AVL9: variants seen among roughly 807,000 people sequenced by gnomAD.
The protein encoded by AVL9 is AVL9 cell migration associated.
In AVL9, 49 loss-of-function variants were observed where a neutral mutation model predicts 79.2. The ratio of observed to expected loss-of-function variants is 0.62; its 90% CI spans 0.49 to 0.79. The LOEUF is 0.79. Among genes scored for constraint, AVL9 ranks in the 30% least tolerant of loss-of-function variants. The pLI, the probability that AVL9 is intolerant of heterozygous loss-of-function variation, is 0.00. For synonymous variants in AVL9, 299 were observed against 280.6 expected (o/e 1.07, Z -0.65); for missense variants, 682 against 776.8 (o/e 0.88, Z 1.45).
chr7:32,559,277 A>G lies in AVL9; in HGVS notation c.1028A>G (p.Asn343Ser). 2 of 1,614,186 alleles carry G rather than the reference A, an allele frequency of 1.2e-6. No individual in the cohort carries two copies. Among genetic ancestry groups the G allele is most frequent in the Non-Finnish European group, 1.7e-6 (2 of 1,180,016 alleles). ...TLDPSVLEDP[N>S]LKEREQLGSD... is the part of the protein sequence containing the mutation. ...GATCCTAGTGTCTTAGAGGACCCCAACTTGAAAGAAAGGGAACAGCTGGGA... is the reference window on the plus strand; with the variant it reads ...GATCCTAGTGTCTTAGAGGACCCCAGCTTGAAAGAAAGGGAACAGCTGGGA... The change falls in exon 10 of 16, where the codon AAC becomes AGC. Residue 343 changes from asparagine (N) to serine (S), a missense_variant. By Grantham distance (46) the Asn-to-Ser change is conservative. Transcript: ENST00000318709.
Position 32,559,065 on chromosome 7 carries a change from C to G in AVL9, c.816C>G (p.Thr272=). 6.2e-7 allele frequency: 1 copy of G among 1,614,082 alleles called. No individual in the cohort carries two copies. Among genetic ancestry groups the G allele is most frequent in the South Asian group, 1.1e-5 (1 of 91,072 alleles). The part of the protein sequence containing the change: ...VSASTADVSH[T]NLGTIRKVMA... ...CATCCACTGCTGATGTTTCACATAC[C>G]AACTTGGGAACTATCAGGAAAGTCA... The change falls in exon 10 of 16, where the codon ACC becomes ACG. Residue 272 remains threonine, a synonymous_variant. Coordinates refer to ENST00000318709, the MANE Select transcript of AVL9 (RefSeq NM_015060.3).
chr7:32,497,653 C>CTTTTTTTTTT (rs59504023), intron 1 of AVL9, among the ~76,000 whole-genome samples: 1 of 117,104 alleles, frequency 8.5e-6, no homozygotes, highest in Non-Finnish European at 1.8e-5. Flanking sequence ...ACCATTAGTT[C>CTTTTTTTTTT]TTTTTTTTTT....
chr7:32,553,702 T>C, intron 6 of AVL9, 25 bp from the exon 7 acceptor site: 2 of 1,600,760 alleles, frequency 1.2e-6, no homozygotes, highest in Non-Finnish European at 1.7e-6. Flanking sequence ...GTAGTCACAC[T>C]TGAGCTTTTT....
intron 1 of AVL9, among the ~76,000 whole-genome samples, chr7:32,523,492 T>G (rs898202997): frequency 1.4e-5 from 2 of 145,792 alleles, no homozygotes; most frequent in Non-Finnish European, 3.0e-5. Context: ...TACATGTTAA[T>G]AGAATTATAA....
rs1186687056 is a variant in AVL9 at position 32,587,184 on chromosome 7, G to GGAA, written c.*3280_*3282dup. 1 of 152,166 alleles carries GGAA rather than the reference G, an allele frequency of 6.6e-6. No individual in the cohort carries two copies. The highest frequency in any genetic ancestry group is 2.4e-5 in the African/African-American group (1 of 41,430). 9.4% of individuals were successfully genotyped at this position (152,166 alleles called of 1,614,324 possible). A position where few individuals can be genotyped will look rare whatever the true frequency, so the allele number is the denominator to read the frequency against. ...GGAAAGCCAACGAGAAAACAAATTA[G>GGAA]GAAGAGAGAGAAGTGAGAAATTGTT... On this transcript the variant is annotated 3_prime_UTR_variant, in exon 16 of 16. Transcript: ENST00000318709.
At chr7:32,548,131 G>GT (rs1298584140) in intron 3 of AVL9, among the ~76,000 whole-genome samples, 19 of 93,304 alleles carry the variant, frequency 2.0e-4, no homozygotes, top group Admixed American at 6.0e-4. Context: ...CAAGCTGTCT[G>GT]TTTTTGTCAT....
rs899617895 is a variant in AVL9 at position 32,552,216 on chromosome 7, C to A, written c.463-13C>A. On this transcript the variant is annotated splice_polypyrimidine_tract_variant and intron_variant, in intron 5 of 15. Coordinates refer to ENST00000318709, the MANE Select transcript of AVL9 (RefSeq NM_015060.3). Reference sequence around the variant, plus strand: ...GATAGTAAAATGTGCTAAATTCAATCTATATTTTATAGGAGCTTTATGAAC... The same window carrying A: ...GATAGTAAAATGTGCTAAATTCAATATATATTTTATAGGAGCTTTATGAAC... 14 of 1,515,242 alleles carry A rather than the reference C, an allele frequency of 9.2e-6. No homozygotes were observed. Among genetic ancestry groups the A allele is most frequent in the Non-Finnish European group, 1.3e-5 (14 of 1,094,866 alleles). 93.9% of individuals were successfully genotyped at this position (1,515,242 alleles called of 1,614,324 possible).
rs1554350216 is a variant in AVL9 at position 32,586,469 on chromosome 7, C to CCG, written c.*2563_*2564insGC. On this transcript the variant is annotated 3_prime_UTR_variant, in exon 16 of 16. Coordinates refer to ENST00000318709, the MANE Select transcript of AVL9 (RefSeq NM_015060.3). ...TCACCCCTGGTCCTGTGACCCCCCC[C>CCG]CCCCACACACACACATACTTCAGGC... is the stretch of plus-strand genomic sequence containing the variant. 3 of 135,216 alleles carry CCG rather than the reference C, an allele frequency of 2.2e-5. No homozygotes were observed. The highest frequency in any genetic ancestry group is 8.6e-5 in the African/African-American group (3 of 34,750). 8.4% of individuals were successfully genotyped at this position (135,216 alleles called of 1,614,324 possible). A position where few individuals can be genotyped will look rare whatever the true frequency, so the allele number is the denominator to read the frequency against.
chr7:32,568,436 A>G (rs1357784089), intron 10 of AVL9, among the ~76,000 whole-genome samples: 4 of 151,886 alleles, frequency 2.6e-5, no homozygotes, highest in African/African-American at 9.7e-5. Context: ...CCTGACCTCA[A>G]GTGATCCGCC....
chr7:32,556,585 A>T (rs115172047), intron 8 of AVL9, among the ~76,000 whole-genome samples: 11,966 of 151,804 alleles, frequency 0.079, 923 homozygotes, highest in African/African-American at 0.19. Context: ...TTTTTTTTTT[A>T]AAAATGAACC....
intron 1 of AVL9, chr7:32,535,319 T>C (rs1015724770): frequency 3.9e-5 from 6 of 152,222 alleles, no homozygotes; most frequent in African/African-American, 1.4e-4. Flanking sequence ...TAGAGGTCCC[T>C]CCTGCTAAAG....
At position 32,559,334 on chromosome 7, in the gene AVL9, C is replaced by G. The variant is rs1444010534; in HGVS notation, c.1085C>G (p.Ser362Cys). Residue 362 changes from serine to cysteine, a missense_variant, in exon 10 of 16, where the codon TCT becomes TGT. Coordinates refer to ENST00000318709, the MANE Select transcript of AVL9 (RefSeq NM_015060.3). Reference protein sequence around the residue: ...SDQTNLFPKDSVPSESLPITV... With the variant: ...SDQTNLFPKDCVPSESLPITV... ...CAGACAAATTTGTTTCCAAAGGACT[C>G]TGTCCCCTCAGAGAGTCTTCCAATT... is the stretch of plus-strand genomic sequence containing the variant. 6.2e-6 allele frequency: 10 copies of G among 1,614,066 alleles called. No individual in the cohort carries two copies. Among genetic ancestry groups the G allele is most frequent in the African/African-American group, 1.3e-5 (1 of 74,938 alleles).
intron 6 of AVL9, among the ~76,000 whole-genome samples, chr7:32,552,570 TAGCATTTTCTCACCCAGGCTGGAG>T (rs1017111915): frequency 6.6e-6 from 1 of 152,046 alleles, no homozygotes; most frequent in East Asian, 1.9e-4. Flanking sequence ...TGAAAATGGA[TAGCATTTTCTCACCCAGGCTGGAG>T]TGCAGTGGTG....
intron 1 of AVL9, among the ~76,000 whole-genome samples, 171 bp from the exon 2 acceptor site, chr7:32,542,970 C>CT (rs913376162): frequency 6.6e-6 from 1 of 152,148 alleles, no homozygotes; most frequent in Non-Finnish European, 1.5e-5. Flanking sequence ...CCTTTTACTG[C>CT]TTTTTTTCCC....
In AVL9 at chr7:32,522,666, A is replaced by G. The variant is rs572005691; in HGVS notation, c.94-20475A>G. Among the ~76,000 whole-genome samples, 57 of 152,130 alleles carry G rather than the reference A, an allele frequency of 3.7e-4. No individual in the cohort carries two copies. The South Asian group carries it at 1.0e-2, about 27-fold the overall frequency. On this transcript the variant is annotated intron_variant, in intron 1 of 15. Coordinates refer to ENST00000318709, the MANE Select transcript of AVL9 (RefSeq NM_015060.3). ...CTGAAATGAGTTAAGACTTTGGGAG[A>G]CTGTTGGGAAGGCACGATTGGTTTT...
chr7:32,497,083 G>A (rs1786858163), intron 1 of AVL9, among the ~76,000 whole-genome samples: 1 of 150,806 alleles, frequency 6.6e-6, no homozygotes, highest in Non-Finnish European at 1.5e-5. Context: ...CTGGGTGAGA[G>A]AGCAAGACCC....
intron 1 of AVL9, among the ~76,000 whole-genome samples, chr7:32,500,372 C>T (rs1787067617): frequency 1.3e-5 from 2 of 152,026 alleles, no homozygotes; most frequent in Admixed American, 1.3e-4. Context: ...TGTTTATTGG[C>T]TGCACAGATA....
chr7:32,557,044 G>T (rs1407770892), intron 8 of AVL9, among the ~76,000 whole-genome samples: 1 of 151,838 alleles, frequency 6.6e-6, no homozygotes, highest in Admixed American at 6.6e-5. Context: ...AATACTTCAG[G>T]ATATATTTCT....
At chr7:32,535,110 A>G (rs962858004) in intron 1 of AVL9, 2 of 152,224 alleles carry the variant, frequency 1.3e-5, no homozygotes, top group Non-Finnish European at 2.9e-5. Context: ...GTTTCCCAAA[A>G]TAATCAGTTT....
Sources: gnomAD v4.1 joint callset for allele counts (sites outside exome capture counted in the v4.1 genomes callset) on GRCh38, gnomAD v4.1.1 for gene constraint, MANE v1.5 for transcripts, NCBI Gene and HGNC (gene_info 2026-07-23, HGNC 2026-07-21) for gene names.